Variants in NFE2L2 observed in about 807,000 individuals in gnomAD.
NFE2L2 encodes the protein nuclear factor erythroid 2-related factor 2.
Under a neutral mutation model 49.6 loss-of-function variants are expected in NFE2L2, and 20 were observed. That is an observed-to-expected ratio of 0.40 (90% CI 0.28 to 0.59). The LOEUF is 0.59. NFE2L2 is among the 20% of genes least tolerant of loss of function. The pLI is 0.40. For missense variants in NFE2L2, 578 were observed against 714.2 expected (o/e 0.81, Z 2.17); for synonymous variants, 244 against 256.5 (o/e 0.95, Z 0.47).
chr2:177,231,364 C>T lies in NFE2L2; in HGVS notation c.1239G>A (p.Gln413=), dbSNP rs1689542027. The change falls in exon 5 of 5, where the codon CAG becomes CAA. Residue 413 remains glutamine, a synonymous_variant. Transcript: ENST00000397062. Reference sequence around the variant, plus strand: ...ATTGGGCATCATGCACGTGAGTGCTCTGCCCCTGAGATGGTGACAAGGGTT... The same window carrying T: ...ATTGGGCATCATGCACGTGAGTGCTTTGCCCCTGAGATGGTGACAAGGGTT... The part of the protein sequence containing the change: ...MVQPLSPSQG[Q]STHVHDAQCE... 1 of 1,614,146 alleles carries T rather than the reference C, an allele frequency of 6.2e-7. No individual in the cohort carries two copies. The highest frequency in any genetic ancestry group is 1.3e-5 in the African/African-American group (1 of 74,950).
chr2:177,232,849 A>T (rs1689603682), intron 3 of NFE2L2: 1 of 508,684 alleles, frequency 2.0e-6, no homozygotes, highest in Admixed American at 3.4e-5. Context: ...AGTTTATATA[A>T]TATCTAGCAC....
rs754950910 is a variant in NFE2L2, at chr2:177,232,514, C to T, written c.472G>A (p.Ala158Thr). The T allele has an allele frequency of 8.7e-6, 14 of 1,614,122 alleles. No individual in the cohort carries two copies. Among genetic ancestry groups the T allele is most frequent in the African/African-American group, 4.0e-5 (3 of 75,042 alleles). The change falls in exon 4 of 5, where the codon GCT becomes ACT. Residue 158 changes from alanine to threonine, a missense_variant. Transcript: ENST00000397062. Reference protein sequence around the residue: ...PGHIESPVFIATNQAQSPETS... With the variant: ...PGHIESPVFITTNQAQSPETS... ...TCAGGTGACTGAGCCTGATTAGTAG[C>T]AATGAAGACTGGGCTCTCGATGTGA...
At chr2:177,240,124 C>T (rs1220328357) in intron 1 of NFE2L2, among the ~76,000 whole-genome samples, 3 of 152,150 alleles carry the variant, frequency 2.0e-5, no homozygotes, top group Non-Finnish European at 2.9e-5. Flanking sequence ...AAGGCTCACA[C>T]ATCATCTAAG....
intron 1 of NFE2L2, among the ~76,000 whole-genome samples, chr2:177,254,910 G>T (rs1380569594): frequency 6.6e-6 from 1 of 152,160 alleles, no homozygotes; most frequent in East Asian, 1.9e-4. Context: ...AATCTTGCCA[G>T]TTCTGTCTGT....
intron 1 of NFE2L2, among the ~76,000 whole-genome samples, chr2:177,238,993 T>TAC (rs200246174): frequency 3.9e-5 from 6 of 152,092 alleles, no homozygotes; most frequent in Non-Finnish European, 8.8e-5. Context: ...TTTACAAACA[T>TAC]ACACACACAC....
At chr2:177,251,399 A>G (rs1211794829) in intron 1 of NFE2L2, among the ~76,000 whole-genome samples, 1 of 152,222 alleles carries the variant, frequency 6.6e-6, no homozygotes, top group African/African-American at 2.4e-5. Context: ...CTAGGCCCAG[A>G]ACCTCAGAGT....
chr2:177,257,786 C>T (rs890008070), intron 1 of NFE2L2, among the ~76,000 whole-genome samples: 13 of 152,170 alleles, frequency 8.5e-5, no homozygotes, highest in African/African-American at 4.8e-5. Context: ...TCAGAGAAGC[C>T]GGAACCCTGT....
chr2:177,240,499 C>G (rs1484255306), intron 1 of NFE2L2, among the ~76,000 whole-genome samples: 1 of 152,132 alleles, frequency 6.6e-6, no homozygotes, highest in Non-Finnish European at 1.5e-5. Flanking sequence ...TTAGTGATTC[C>G]TGAGTGTGTT....
Position 177,232,465 on chromosome 2 carries a change from G to A in NFE2L2, c.521C>T (p.Pro174Leu), listed in dbSNP as rs1305970007. ...CTGTTGCATACCGTCTAAATCAACA[G>A]GGGCTACCTGAGCAACAGAAGTTTC... is the stretch of plus-strand genomic sequence containing the variant. ...SPETSVAQVA[P>L]VDLDGMQQDI... The change falls in exon 4 of 5, where the codon CCT becomes CTT. Residue 174 changes from proline to leucine, a missense_variant. Physicochemically the swap from Pro to Leu is moderately conservative, Grantham distance 98. Coordinates refer to ENST00000397062, the MANE Select transcript of NFE2L2 (RefSeq NM_006164.5). 1 of 1,613,986 alleles carries A rather than the reference G, an allele frequency of 6.2e-7. No homozygotes were observed. The highest frequency in any genetic ancestry group is 2.2e-5 in the East Asian group (1 of 44,904).
intron 1 of NFE2L2, among the ~76,000 whole-genome samples, chr2:177,259,293 C>T (rs1206025954): frequency 2.0e-5 from 3 of 151,838 alleles, no homozygotes; most frequent in African/African-American, 7.3e-5. Context: ...CCGACTGAGA[C>T]TCTGTCTCAA....
intron 2 of NFE2L2, 24 bp from the exon 3 acceptor site, chr2:177,233,363 G>A (rs776653855): frequency 6.3e-7 from 1 of 1,576,722 alleles, no homozygotes; most frequent in Admixed American, 1.8e-5. Flanking sequence ...ATGACACAAA[G>A]GAAAACAAAA....
At chr2:177,259,271 C>G (rs531390149) in intron 1 of NFE2L2, among the ~76,000 whole-genome samples, 2 of 152,028 alleles carry the variant, frequency 1.3e-5, no homozygotes, top group Admixed American at 1.3e-4. Flanking sequence ...CAATGCACTC[C>G]AGCCTGGGTG....
chr2:177,263,862 G>T, intron 1 of NFE2L2: 2 of 985,522 alleles, frequency 2.0e-6, no homozygotes, highest in Non-Finnish European at 2.4e-6. Context: ...CACTTAAGGC[G>T]CTCCTCCCTC....
At chr2:177,233,596 G>A in intron 2 of NFE2L2, 1 of 520,090 alleles carries the variant, frequency 1.9e-6, no homozygotes, top group Non-Finnish European at 3.4e-6. Context: ...GATAAAACAG[G>A]GATAATGGTA....
rs142715562 is a variant in NFE2L2 at position 177,244,781 on chromosome 2, C to T, written c.46-10510G>A. 3.5e-3 allele frequency among the ~76,000 whole-genome samples: 526 copies of T among 151,974 alleles called. 13 individuals are homozygous for T. In the East Asian group the frequency reaches 0.059, roughly 17 times the overall value. On this transcript the variant is annotated intron_variant, in intron 1 of 4. Coordinates refer to ENST00000397062, the MANE Select transcript of NFE2L2 (RefSeq NM_006164.5). ...CAGCACTTTGGGAGGCCGAGGCGGG[C>T]GGATCACGAGGTCAGGAGATGGAGA... is the stretch of plus-strand genomic sequence containing the variant.
At chr2:177,233,984 C>CA (rs1689653647) in intron 2 of NFE2L2, 21 bp downstream of exon 2, 1 of 1,612,968 alleles carries the variant, frequency 6.2e-7, no homozygotes, top group Admixed American at 1.7e-5. Context: ...ATAACTTTCC[C>CA]AAGAACTGAG....
chr2:177,237,442 T>C (rs916077175), intron 1 of NFE2L2, among the ~76,000 whole-genome samples: 2 of 152,270 alleles, frequency 1.3e-5, no homozygotes, highest in Admixed American at 1.3e-4. Flanking sequence ...AAAAATGATT[T>C]GTTTCCATTC....
Position 177,234,291 on chromosome 2 carries a change from AG to A in NFE2L2, c.46-21del. 6.3e-7 allele frequency: 1 copy of A among 1,582,142 alleles called. No homozygotes were observed. The highest frequency in any genetic ancestry group is 8.5e-7 in the Non-Finnish European group (1 of 1,169,758). On this transcript the variant is annotated intron_variant, in intron 1 of 4. Coordinates refer to ENST00000397062, the MANE Select transcript of NFE2L2 (RefSeq NM_006164.5). Reference sequence around the variant, plus strand: ...CATGTCCTATGTTTAAGACAAAAAAAGGAAGGAGAGAGCTCATGTTTTTTAA... The same window carrying A: ...CATGTCCTATGTTTAAGACAAAAAAAGAAGGAGAGAGCTCATGTTTTTTAA...
intron 1 of NFE2L2, among the ~76,000 whole-genome samples, chr2:177,249,146 G>A (rs1690242386): frequency 6.6e-6 from 1 of 152,048 alleles, no homozygotes; most frequent in Admixed American, 6.6e-5. Context: ...TGGAGCCCAG[G>A]AGGTTGAGGC....
Sources: gnomAD v4.1 joint callset for allele counts (sites outside exome capture counted in the v4.1 genomes callset) on GRCh38, gnomAD v4.1.1 for gene constraint, MANE v1.5 for transcripts, NCBI Gene and HGNC (gene_info 2026-07-23, HGNC 2026-07-21) for gene names.